FYN: variants seen among roughly 807,000 people sequenced by gnomAD.
FYN encodes FYN proto-oncogene, Src family tyrosine kinase, also known as tyrosine-protein kinase Fyn.
Under a neutral mutation model 70.2 loss-of-function variants are expected in FYN, and 10 were observed. The observed-to-expected ratio is 0.14, with a 90% confidence interval of 0.09 to 0.24. The LOEUF (loss-of-function observed/expected upper bound fraction) is 0.24. FYN is among the 10% of genes least tolerant of loss of function. The pLI, the probability that FYN is intolerant of heterozygous loss-of-function variation, is 1.00. For missense variants in FYN, 319 were observed against 673.1 expected (o/e 0.47, Z 5.82); for synonymous variants, 236 against 248.6 (o/e 0.95, Z 0.48).
intron 1 of FYN, among the ~76,000 whole-genome samples, chr6:111,851,632 G>C (rs1323005688): frequency 6.6e-6 from 1 of 152,212 alleles, no homozygotes; most frequent in African/African-American, 2.4e-5. Context: ...CACAGGCAGG[G>C]AGGAAGAGGC....
chr6:111,867,164 C>T (rs1774131093), intron 1 of FYN, among the ~76,000 whole-genome samples: 3 of 152,104 alleles, frequency 2.0e-5, no homozygotes, highest in Admixed American at 6.6e-5. Context: ...TGTTTGCTAA[C>T]GAATTTATAT....
chr6:111,673,751 T>G (rs563160643), intron 13 of FYN, among the ~76,000 whole-genome samples: 23 of 151,628 alleles, frequency 1.5e-4, no homozygotes, highest in African/African-American at 5.1e-4. Flanking sequence ...ATCGTCCCTG[T>G]GCTATAACCA....
intron 3 of FYN, among the ~76,000 whole-genome samples, chr6:111,720,348 C>T (rs1037046138): frequency 1.3e-5 from 2 of 152,178 alleles, no homozygotes; most frequent in African/African-American, 4.8e-5. Flanking sequence ...TCGTAAAATT[C>T]TGTAACAGCA....
chr6:111,689,514 T>C (rs1005707472), intron 12 of FYN, among the ~76,000 whole-genome samples: 2 of 152,202 alleles, frequency 1.3e-5, no homozygotes, highest in Non-Finnish European at 1.5e-5. Context: ...GTATTTATAA[T>C]GGCCCCAATT....
In FYN at chr6:111,727,225, C is replaced by T. The variant is rs78395782; in HGVS notation, c.-11-7163G>A. Among the ~76,000 whole-genome samples the T allele has an allele frequency of 2.5e-3, 382 of 152,204 alleles. 4 individuals carry two copies. The highest frequency in any genetic ancestry group is 0.012 in the East Asian group (62 of 5,178). ...CAGTGAGTCACCATCTTCCTTCGTG[C>T]GGTTTGGCATATTAATGACTATTTG... On this transcript the variant is annotated intron_variant, in intron 3 of 13. Transcript: ENST00000354650.
Position 111,694,349 on chromosome 6 carries a change from C to T in FYN, c.1273+26G>A, listed in dbSNP as rs200805106. On this transcript the variant is annotated intron_variant, in intron 12 of 13. Transcript: ENST00000354650. This position sits in a 1 kb window ranked among gnomAD's most constrained non-coding sequence, Gnocchi z 5.0. ...GTGACTGTTCTCACAGCTGTGATCA[C>T]GAGCCATTGTCATTCAAGTGCCCAC... 302 of 1,613,014 alleles carry T rather than the reference C, an allele frequency of 1.9e-4. No homozygotes were observed. In the African/African-American group the frequency reaches 3.4e-3, roughly 18 times the overall value.
intron 3 of FYN, among the ~76,000 whole-genome samples, chr6:111,778,719 C>T (rs926293710): frequency 4.6e-5 from 7 of 152,020 alleles, no homozygotes; most frequent in African/African-American, 1.4e-4. Context: ...TGGTCTCGAT[C>T]TCCTGACCCT....
intron 2 of FYN, among the ~76,000 whole-genome samples, chr6:111,822,719 A>AGG (rs371636455): frequency 0.046 from 6,968 of 152,138 alleles, 186 homozygotes; most frequent in East Asian, 0.14. Context: ...AAAGAAATAA[A>AGG]CAGTAGAGGT....
chr6:111,861,663 A>G (rs1583501109), intron 1 of FYN, among the ~76,000 whole-genome samples: 1 of 152,208 alleles, frequency 6.6e-6, no homozygotes. Context: ...AGGACTAGGC[A>G]GGGGAAGCCA....
intron 1 of FYN, among the ~76,000 whole-genome samples, chr6:111,867,747 G>C (rs777425551): frequency 3.3e-5 from 5 of 151,940 alleles, no homozygotes; most frequent in Non-Finnish European, 7.4e-5. Flanking sequence ...ACTCATTTAA[G>C]TTTCCATAAC....
intron 3 of FYN, among the ~76,000 whole-genome samples, chr6:111,739,456 C>T: frequency 6.6e-6 from 1 of 152,258 alleles, no homozygotes; most frequent in East Asian, 1.9e-4. Context: ...TGGCTCCTGC[C>T]TGGGGATGCT....
intron 1 of FYN, among the ~76,000 whole-genome samples, chr6:111,872,321 G>A (rs73533717): frequency 0.047 from 7,011 of 149,600 alleles, 313 homozygotes; most frequent in East Asian, 0.23. Context: ...CGGAAAGGAA[G>A]GAGAAAAGAG....
chr6:111,850,538 C>G (rs917557763), intron 1 of FYN, among the ~76,000 whole-genome samples: 1 of 152,224 alleles, frequency 6.6e-6, no homozygotes, highest in Admixed American at 6.5e-5. Flanking sequence ...CCATATCGAG[C>G]GTGTCCACAG....
At chr6:111,693,065 G>A (rs1165344490) in intron 12 of FYN, among the ~76,000 whole-genome samples, 1 of 152,180 alleles carries the variant, frequency 6.6e-6, no homozygotes, top group African/African-American at 2.4e-5. Context: ...CTGTCTGACC[G>A]ACATGTAATT....
At chr6:111,798,754 G>C (rs989148935) in intron 2 of FYN, among the ~76,000 whole-genome samples, 1 of 152,188 alleles carries the variant, frequency 6.6e-6, no homozygotes, top group Non-Finnish European at 1.5e-5. Flanking sequence ...GACCCAGTTC[G>C]TGGCACTGTG....
intron 6 of FYN, 28 bp downstream of exon 6, chr6:111,707,894 A>G (rs1287923135): frequency 6.6e-7 from 1 of 1,520,348 alleles, no homozygotes; most frequent in Non-Finnish European, 9.1e-7. Context: ...AAAATCAAGT[A>G]GTTAAGTGAA....
At chr6:111,662,022 T>A (rs577282356) in intron 13 of FYN, 75 bp from the exon 14 acceptor site, 2 of 1,256,158 alleles carry the variant, frequency 1.6e-6, no homozygotes, top group Middle Eastern at 2.8e-4. Context: ...AGATCCCCTT[T>A]CTTCTTCTTT....
chr6:111,692,102 C>T (rs1254922372), intron 12 of FYN, among the ~76,000 whole-genome samples: 2 of 98,014 alleles, frequency 2.0e-5, no homozygotes, highest in African/African-American at 8.2e-5. Flanking sequence ...AGCTTCATTT[C>T]CCCCCCCCCC....
At chr6:111,868,003 G>A (rs1199113289) in intron 1 of FYN, among the ~76,000 whole-genome samples, 2 of 151,968 alleles carry the variant, frequency 1.3e-5, no homozygotes, top group Non-Finnish European at 1.5e-5. Flanking sequence ...CTGTGCATTC[G>A]CCCTCTGGGC....
Sources: gnomAD v4.1 joint callset for allele counts (sites outside exome capture counted in the v4.1 genomes callset) on GRCh38, gnomAD v4.1.1 for gene constraint, Gnocchi (gnomAD v3.1) non-coding constraint, MANE v1.5 for transcripts, NCBI Gene and HGNC (gene_info 2026-07-23, HGNC 2026-07-21) for gene names.